ANTXR1: variants seen among roughly 807,000 people sequenced by gnomAD.
ANTXR1 encodes ANTXR cell adhesion molecule 1.
In ANTXR1, 19 loss-of-function variants were observed where a neutral mutation model predicts 78.1. The observed-to-expected ratio is 0.24, with a 90% CI of 0.17 to 0.36. The LOEUF (loss-of-function observed/expected upper bound fraction) is 0.36. ANTXR1 is among the 10% of genes least tolerant of loss of function. The pLI is 1.00. For synonymous variants in ANTXR1, 273 were observed against 260.5 expected, an observed-to-expected ratio of 1.05 and a Z score of -0.46; for missense variants, 518 against 718.6, an observed-to-expected ratio of 0.72 and a Z score of 3.19.
intron 9 of ANTXR1, among the ~76,000 whole-genome samples, chr2:69,094,411 A>T (rs1282425877): frequency 6.6e-6 from 1 of 152,212 alleles, no homozygotes; most frequent in African/African-American, 2.4e-5. Context: ...CTCAACATGT[A>T]TTGGGGGAGA....
chr2:69,181,162 G>A (rs1490616250), intron 14 of ANTXR1, among the ~76,000 whole-genome samples: 2 of 152,218 alleles, frequency 1.3e-5, no homozygotes, highest in East Asian at 3.8e-4. Flanking sequence ...GGCCAGTTGG[G>A]AAGCTACCAC....
chr2:69,170,566 A>G (rs919663142), intron 14 of ANTXR1, among the ~76,000 whole-genome samples: 1 of 152,236 alleles, frequency 6.6e-6, no homozygotes, highest in African/African-American at 2.4e-5. Context: ...AAATGTTTTT[A>G]TCAGTACAGT....
At chr2:69,020,797 T>C (rs1426370534) in intron 1 of ANTXR1, among the ~76,000 whole-genome samples, 1 of 152,238 alleles carries the variant, frequency 6.6e-6, no homozygotes, top group Non-Finnish European at 1.5e-5. Flanking sequence ...GAAAAAGTAA[T>C]TAGATTTCTC....
intron 3 of ANTXR1, among the ~76,000 whole-genome samples, chr2:69,049,275 G>A (rs1669864161): frequency 2.0e-5 from 3 of 152,088 alleles, no homozygotes; most frequent in South Asian, 4.2e-4. Flanking sequence ...AAAACAATAG[G>A]TTTCTAACAG....
intron 17 of ANTXR1, among the ~76,000 whole-genome samples, chr2:69,219,698 C>A (rs931223382): frequency 4.6e-5 from 7 of 152,118 alleles, no homozygotes; most frequent in African/African-American, 1.4e-4. Context: ...ATGACAAATT[C>A]TCTTGGTAAT....
chr2:69,196,535 G>A (rs1369023224), intron 17 of ANTXR1, among the ~76,000 whole-genome samples: 4 of 152,192 alleles, frequency 2.6e-5, no homozygotes, highest in Admixed American at 2.0e-4. Flanking sequence ...GGGCAATATT[G>A]TAGCTCTGTC....
At chr2:69,106,076 T>C (rs1671801867) in intron 10 of ANTXR1, among the ~76,000 whole-genome samples, 1 of 152,256 alleles carries the variant, frequency 6.6e-6, no homozygotes, top group Non-Finnish European at 1.5e-5. Flanking sequence ...AGGTAGGGCA[T>C]ATAATACTTT....
At chr2:69,233,440 T>C (rs1675676707) in intron 17 of ANTXR1, among the ~76,000 whole-genome samples, 1 of 151,824 alleles carries the variant, frequency 6.6e-6, no homozygotes, top group Admixed American at 6.6e-5. Context: ...AAAAAATTTA[T>C]AAAATATATA....
chr2:69,234,771 T>TA (rs1238061132), intron 17 of ANTXR1, among the ~76,000 whole-genome samples: 1 of 151,866 alleles, frequency 6.6e-6, no homozygotes, highest in Admixed American at 6.6e-5. Flanking sequence ...CTCAAAAATT[T>TA]AAAAAATTTA....
intron 12 of ANTXR1, among the ~76,000 whole-genome samples, chr2:69,144,399 G>A (rs1329600339): frequency 6.6e-6 from 1 of 152,172 alleles, no homozygotes; most frequent in Non-Finnish European, 1.5e-5. Flanking sequence ...GAAGTCACCA[G>A]GTTAGTGGAA....
At chr2:69,124,824 C>A (rs1558575094) in intron 12 of ANTXR1, among the ~76,000 whole-genome samples, 181 bp downstream of exon 12, 1 of 152,152 alleles carries the variant, frequency 6.6e-6, no homozygotes, top group South Asian at 2.1e-4. Flanking sequence ...GTGCTGTACC[C>A]CAGAGTGTAT....
At chr2:69,015,367 G>A (rs1213319842) in intron 1 of ANTXR1, among the ~76,000 whole-genome samples, 2 of 151,240 alleles carry the variant, frequency 1.3e-5, no homozygotes, top group African/African-American at 4.9e-5. Context: ...GTATTATAAT[G>A]TAAATTAATA....
Position 69,193,442 on chromosome 2 carries a change from G to GTCTC in ANTXR1, c.1434+42_1434+45dup, listed in dbSNP as rs10627389. 0.018 allele frequency: 21,847 copies of GTCTC among 1,224,960 alleles called. 1,160 individuals are homozygous for GTCTC. The African/African-American group carries it at 0.19, about 11-fold the overall frequency. 75.9% of individuals were successfully genotyped at this position (1,224,960 alleles called of 1,614,324 possible). ...TAGGACTCGTTAATTCATTAATGGTGTCTCTCTCTCTCTCTCTCACATACA... is the reference window on the plus strand; with the variant it reads ...TAGGACTCGTTAATTCATTAATGGTGTCTCTCTCTCTCTCTCTCTCTCACATACA... On this transcript the variant is annotated intron_variant, in intron 17 of 17. Coordinates refer to ENST00000303714, the MANE Select transcript of ANTXR1 (RefSeq NM_032208.3).
intron 17 of ANTXR1, among the ~76,000 whole-genome samples, chr2:69,195,099 C>T (rs1318572861): frequency 6.1e-5 from 9 of 147,512 alleles, no homozygotes; most frequent in Non-Finnish European, 1.0e-4. Context: ...ACCCAGGAGG[C>T]GGAGGTTGCA....
chr2:69,201,035 T>C (rs565812666), intron 17 of ANTXR1, among the ~76,000 whole-genome samples: 45 of 152,310 alleles, frequency 3.0e-4, no homozygotes, highest in African/African-American at 1.1e-3. Flanking sequence ...AGATGTCTTC[T>C]AAGAGCCAAT....
intron 9 of ANTXR1, among the ~76,000 whole-genome samples, chr2:69,092,484 T>A (rs1671271649): frequency 6.6e-6 from 1 of 152,252 alleles, no homozygotes; most frequent in African/African-American, 2.4e-5. Context: ...CATAAATGCA[T>A]ACCTACATAA....
At position 69,247,659 on chromosome 2, in the gene ANTXR1, G is replaced by C. The variant is rs1207261847; in HGVS notation, c.*2174G>C. Reference sequence around the variant, plus strand: ...CTGAAAACCATTCCATAGGAGAATGGGTTCCCCAGGCTCACAGTGTAGAGA... The same window carrying C: ...CTGAAAACCATTCCATAGGAGAATGCGTTCCCCAGGCTCACAGTGTAGAGA... On this transcript the variant is annotated 3_prime_UTR_variant, in exon 18 of 18. Coordinates refer to ENST00000303714, the MANE Select transcript of ANTXR1 (RefSeq NM_032208.3). The C allele has an allele frequency of 6.6e-6, 1 of 152,502 alleles. No individual in the cohort carries two copies. Among genetic ancestry groups the C allele is most frequent in the South Asian group, 2.1e-4 (1 of 4,812 alleles). The allele number at this position is 152,502 out of a possible 1,614,324, so 9.4% of individuals were successfully genotyped here. A position where few individuals can be genotyped will look rare whatever the true frequency, so the allele number is the denominator to read the frequency against.
At chr2:69,108,321 AACT>A (rs1671875742) in intron 10 of ANTXR1, among the ~76,000 whole-genome samples, 1 of 152,216 alleles carries the variant, frequency 6.6e-6, no homozygotes, top group African/African-American at 2.4e-5. Context: ...GAGTGAACAG[AACT>A]ACTAGGCTAC....
chr2:69,112,364 G>A (rs974100026), intron 10 of ANTXR1, among the ~76,000 whole-genome samples: 2 of 152,098 alleles, frequency 1.3e-5, no homozygotes, highest in Admixed American at 6.5e-5. Flanking sequence ...CTGGGCAGTC[G>A]GACTCCAAAG....
Sources: allele counts gnomAD v4.1 joint callset (sites outside exome capture counted in the v4.1 genomes callset), GRCh38; gene constraint gnomAD v4.1.1; transcripts MANE v1.5; gene names NCBI Gene and HGNC (gene_info 2026-07-23, HGNC 2026-07-21).